Variants in AFF1 observed in about 807,000 individuals in gnomAD.
The protein encoded by AFF1 is ALF transcription elongation factor 1.
Under a neutral mutation model 121.7 loss-of-function variants are expected in AFF1, and 48 were observed. The ratio of observed to expected loss-of-function variants is 0.39; its 90% confidence interval spans 0.31 to 0.50. AFF1 has a LOEUF of 0.50. Ranked by LOEUF, AFF1 falls within the 20% of genes least tolerant of loss-of-function variation. The pLI, the probability that AFF1 is intolerant of heterozygous loss-of-function variation, is 0.76. For missense variants in AFF1, 1,523 were observed against 1,511.7 expected (o/e 1.01, Z -0.12); for synonymous variants, 613 against 563.0 (o/e 1.09, Z -1.26).
intron 2 of AFF1, among the ~76,000 whole-genome samples, chr4:87,034,292 T>G (rs1490433544): frequency 6.6e-6 from 1 of 152,162 alleles, no homozygotes; most frequent in Non-Finnish European, 1.5e-5. Context: ...ATGCTAGATC[T>G]CGGAAGTGTG....
chr4:87,123,874 TA>T, intron 12 of AFF1, among the ~76,000 whole-genome samples: 1 of 152,356 alleles, frequency 6.6e-6, no homozygotes, highest in Admixed American at 6.5e-5. Flanking sequence ...TCAGGTTTGT[TA>T]GGGATTGTCC....
At chr4:87,057,881 G>A (rs755865698) in intron 4 of AFF1, among the ~76,000 whole-genome samples, 21 of 152,018 alleles carry the variant, frequency 1.4e-4, no homozygotes, top group South Asian at 2.1e-4. Flanking sequence ...AACCCCCACC[G>A]CTGTCTTCAA....
chr4:87,102,977 T>C (rs919661020), intron 8 of AFF1, among the ~76,000 whole-genome samples: 1 of 152,166 alleles, frequency 6.6e-6, no homozygotes, highest in Non-Finnish European at 1.5e-5. Context: ...TAAAAGAAAT[T>C]TAAATTCCTT....
At chr4:87,095,668 A>T (rs1724757256) in intron 8 of AFF1, among the ~76,000 whole-genome samples, 2 of 152,194 alleles carry the variant, frequency 1.3e-5, no homozygotes, top group Admixed American at 1.3e-4. Context: ...AGCTAATCTT[A>T]TTGCCCAGCT....
At chr4:87,111,139 C>G (rs13104995) in intron 11 of AFF1, among the ~76,000 whole-genome samples, 1 of 84,314 alleles carries the variant, frequency 1.2e-5, no homozygotes, top group African/African-American at 4.0e-5. Context: ...TCCCGAGTAG[C>G]TGGGACTACA....
At chr4:87,073,157 A>G (rs1229699118) in intron 4 of AFF1, among the ~76,000 whole-genome samples, 1 of 152,014 alleles carries the variant, frequency 6.6e-6, no homozygotes, top group African/African-American at 2.4e-5. Context: ...AGGCTTAAAT[A>G]AATGATGTAT....
chr4:87,050,689 GT>G (rs1049180855), intron 4 of AFF1, among the ~76,000 whole-genome samples: 6 of 152,184 alleles, frequency 3.9e-5, no homozygotes, highest in Non-Finnish European at 5.9e-5. Flanking sequence ...TCTGCACTTG[GT>G]TTTTCTCCGG....
chr4:87,060,892 C>T (rs1042063473), intron 4 of AFF1, among the ~76,000 whole-genome samples: 31 of 131,232 alleles, frequency 2.4e-4, no homozygotes, highest in African/African-American at 7.4e-4. Context: ...AACAAAAAAA[C>T]GGAATTATTG....
chr4:87,035,403 T>TA (rs1482326732), intron 2 of AFF1, among the ~76,000 whole-genome samples: 4 of 151,600 alleles, frequency 2.6e-5, no homozygotes, highest in Middle Eastern at 3.4e-3. Flanking sequence ...CTACTAAAAA[T>TA]AAAAAAAATT....
rs1465084690 is a variant in AFF1 at position 87,022,592 on chromosome 4, A to ATATATATATATATATC, written c.39-23573_39-23572insATATATATATATATCT. On this transcript the variant is annotated intron_variant, in intron 2 of 20. Transcript: ENST00000395146. ...TATATATATATATATATCTATCTATATCTATCTGTGTGTATATATATCTGT... is the reference window on the plus strand; with the variant it reads ...TATATATATATATATATCTATCTATATATATATATATATATCTCTATCTGTGTGTATATATATCTGT... Among the ~76,000 whole-genome samples the ATATATATATATATATC allele has an allele frequency of 7.9e-4, 79 of 99,806 alleles. 4 individuals are homozygous for ATATATATATATATATC. The highest frequency in any genetic ancestry group is 1.9e-3 in the African/African-American group (41 of 21,512). 65.5% of individuals were successfully genotyped at this position (99,806 alleles called of 152,430 possible). A position where few individuals can be genotyped will look rare whatever the true frequency, so the allele number is the denominator to read the frequency against.
At chr4:87,068,142 T>C (rs990383422) in intron 4 of AFF1, among the ~76,000 whole-genome samples, 2 of 106,384 alleles carry the variant, frequency 1.9e-5, no homozygotes, top group Non-Finnish European at 3.8e-5. Context: ...TTACTGAATT[T>C]TTCCCTCTAG....
Position 87,115,203 on chromosome 4 carries a change from G to C in AFF1, c.2370G>C (p.Gln790His). ...AGCCTCCCGGGAAGGGGAGCCGCCAGAGGAAAGCAGAAGATAAACAGCCGC... is the reference window on the plus strand; with the variant it reads ...AGCCTCCCGGGAAGGGGAGCCGCCACAGGAAAGCAGAAGATAAACAGCCGC... ...IPQPPGKGSR[Q>H]RKAEDKQPPA... Residue 790 changes from glutamine (Q) to histidine (H), a missense_variant, in exon 12 of 21, where the codon CAG becomes CAC. Transcript: ENST00000395146. 1 of 1,614,232 alleles carries C rather than the reference G, an allele frequency of 6.2e-7. No individual in the cohort carries two copies.
rs192336279 is a variant in AFF1 at position 86,996,898 on chromosome 4, T to C, written c.38+48327T>C. Among the ~76,000 whole-genome samples, 12 of 152,222 alleles carry C rather than the reference T, an allele frequency of 7.9e-5. No individual in the cohort carries two copies. The East Asian group carries it at 2.3e-3, about 29-fold the overall frequency. On this transcript the variant is annotated intron_variant, in intron 2 of 20. Transcript: ENST00000395146. ...TGGGTTACCATGGGAGGAGAACTGG[T>C]GGCTTTTAATTTAATTTAATTTTAT...
At chr4:86,960,624 C>G (rs1252517852) in intron 2 of AFF1, among the ~76,000 whole-genome samples, 1 of 152,146 alleles carries the variant, frequency 6.6e-6, no homozygotes, top group Non-Finnish European at 1.5e-5. Context: ...TATGTGCATA[C>G]TTTATGGTGT....
chr4:87,075,044 A>G (rs934114014), intron 4 of AFF1, among the ~76,000 whole-genome samples: 2 of 152,232 alleles, frequency 1.3e-5, no homozygotes, highest in Non-Finnish European at 2.9e-5. Flanking sequence ...CAAATTTTAT[A>G]TGCTTTAGAA....
chr4:87,029,157 G>T (rs1728822984), intron 2 of AFF1, among the ~76,000 whole-genome samples: 2 of 152,130 alleles, frequency 1.3e-5, no homozygotes, highest in South Asian at 4.2e-4. Context: ...TCTAGCATTT[G>T]GTAAACTTTG....
chr4:86,953,825 T>C (rs1721550340), intron 2 of AFF1, among the ~76,000 whole-genome samples: 1 of 151,970 alleles, frequency 6.6e-6, no homozygotes. Flanking sequence ...GTTCAAGCGA[T>C]TCTCCTGCTT....
chr4:87,011,714 G>C (rs1726783996), intron 2 of AFF1, among the ~76,000 whole-genome samples: 1 of 152,184 alleles, frequency 6.6e-6, no homozygotes, highest in African/African-American at 2.4e-5. Flanking sequence ...GTCCTTGACA[G>C]AAGAGAAACA....
chr4:87,005,346 T>A (rs770476876), intron 2 of AFF1, among the ~76,000 whole-genome samples: 7 of 152,246 alleles, frequency 4.6e-5, no homozygotes, highest in Non-Finnish European at 1.0e-4. Flanking sequence ...CATATAACTT[T>A]CATCACTGTC....
Sources: allele counts gnomAD v4.1 joint callset (sites outside exome capture counted in the v4.1 genomes callset), GRCh38; gene constraint gnomAD v4.1.1; transcripts MANE v1.5; gene names NCBI Gene and HGNC (gene_info 2026-07-23, HGNC 2026-07-21).